HRH1: variants seen among roughly 807,000 people sequenced by gnomAD.
HRH1 encodes histamine H1 receptor.
HRH1 carries 6 observed loss-of-function variants against 10.3 expected under a neutral mutation model. That is an observed-to-expected ratio of 0.58 (90% CI 0.32 to 1.15). The LOEUF (loss-of-function observed/expected upper bound fraction) is 1.15, where lower values mean the gene tolerates loss of function less well. Among genes scored for constraint, HRH1 ranks in the 50% most tolerant of loss-of-function variants. HRH1 has a pLI of 0.05. For synonymous variants in HRH1, 242 were observed against 236.7 expected (o/e 1.02, Z -0.21); for missense variants, 514 against 615.3 (o/e 0.84, Z 1.74).
At chr3:11,186,591 C>G (rs1462650037) in intron 1 of HRH1, among the ~76,000 whole-genome samples, 1 of 152,176 alleles carries the variant, frequency 6.6e-6, no homozygotes. Flanking sequence ...ACTTTAATGC[C>G]TGGAGCTTCT....
chr3:11,170,537 A>G (rs776675756), intron 1 of HRH1, among the ~76,000 whole-genome samples: 13 of 152,258 alleles, frequency 8.5e-5, no homozygotes, highest in Admixed American at 4.6e-4. Context: ...GCAGTATCCC[A>G]TGGGCGAGGA....
At chr3:11,208,535 A>G (rs996493475) in intron 1 of HRH1, among the ~76,000 whole-genome samples, 8 of 152,230 alleles carry the variant, frequency 5.3e-5, no homozygotes, top group African/African-American at 1.4e-4. Context: ...TTGAAAAAAT[A>G]TCACTTGAAA....
At chr3:11,143,285 G>A (rs943848695) in intron 1 of HRH1, among the ~76,000 whole-genome samples, 9 of 152,196 alleles carry the variant, frequency 5.9e-5, no homozygotes, top group Admixed American at 1.3e-4. Flanking sequence ...CCTGCTGTGT[G>A]GAGAGTGGGC....
At chr3:11,200,346 C>T (rs769908256) in intron 1 of HRH1, among the ~76,000 whole-genome samples, 4 of 152,182 alleles carry the variant, frequency 2.6e-5, no homozygotes, top group Non-Finnish European at 5.9e-5. Flanking sequence ...TTCTGTTACT[C>T]ACAGCCTAGA....
At chr3:11,147,938 T>C (rs113910445) in intron 1 of HRH1, among the ~76,000 whole-genome samples, 21,660 of 152,134 alleles carry the variant, frequency 0.14, 1,773 homozygotes, top group East Asian at 0.29. Flanking sequence ...TCCCAGCACT[T>C]TGAGAGGCCA....
In HRH1 at chr3:11,148,193, A is replaced by AAAAG. The variant is rs1263121639; in HGVS notation, c.-36+10797_-36+10798insGAAA. On this transcript the variant is annotated intron_variant, in intron 1 of 1. Coordinates refer to the HRH1 transcript ENST00000438284. ...GACTCTGTCAAACAAAAAAAAAAAA[A>AAAAG]AAAAAGAAAAGAAACTCTTCCTTCT... Among the ~76,000 whole-genome samples, 7 of 151,688 alleles carry AAAAG rather than the reference A, an allele frequency of 4.6e-5. No individual in the cohort carries two copies. In the East Asian group the frequency reaches 1.4e-3, roughly 29 times the overall value.
Position 11,219,168 on chromosome 3 carries a change from A to G in HRH1, c.-35-39835A>G, listed in dbSNP as rs143279186. ...CCTCTTAAAGTGCTGGGATTACAGG[A>G]GTGAGCGACCGCGCCTGGCCTAAAT... On this transcript the variant is annotated intron_variant, in intron 1 of 1. Transcript: ENST00000431010. 8.9e-3 allele frequency among the ~76,000 whole-genome samples: 1,353 copies of G among 152,138 alleles called. 16 individuals are homozygous for G. Among genetic ancestry groups the G allele is most frequent in the African/African-American group, 0.031 (1,292 of 41,514 alleles).
chr3:11,196,666 C>G (rs1373309522), intron 1 of HRH1, among the ~76,000 whole-genome samples: 4 of 152,110 alleles, frequency 2.6e-5, no homozygotes, highest in Non-Finnish European at 5.9e-5. Flanking sequence ...CAGAGCCCTT[C>G]AGCCCATATA....
At chr3:11,180,876 T>C (rs1457266984) in intron 1 of HRH1, among the ~76,000 whole-genome samples, 4 of 152,150 alleles carry the variant, frequency 2.6e-5, no homozygotes, top group East Asian at 1.9e-4. Flanking sequence ...TTGGATTGTT[T>C]CTACTTTTTG....
rs374377026 is a variant in HRH1, at chr3:11,231,262, A to C, written c.-35-27741A>C. ...CAAAGGGTAGCTGGTTGTTTCCAGC[A>C]TTGAGCTATTATGAATAAAACTGCT... On this transcript the variant is annotated intron_variant, in intron 1 of 1. Coordinates refer to ENST00000431010, the MANE Select transcript of HRH1 (RefSeq NM_001098212.2). 9.2e-5 allele frequency among the ~76,000 whole-genome samples: 14 copies of C among 152,332 alleles called. No homozygotes were observed. The South Asian group carries it at 2.7e-3, about 29-fold the overall frequency.
Position 11,196,906 on chromosome 3 carries a change from G to C in HRH1, c.-36+42352G>C, listed in dbSNP as rs147900959. On this transcript the variant is annotated intron_variant, in intron 1 of 1. Coordinates refer to ENST00000431010, the MANE Select transcript of HRH1 (RefSeq NM_001098212.2). ...GGTCAGATCACGAGGTCGGGAGATCGAGACCATCCTGGCTAACATGGTGAA... is the reference window on the plus strand; with the variant it reads ...GGTCAGATCACGAGGTCGGGAGATCCAGACCATCCTGGCTAACATGGTGAA... Among the ~76,000 whole-genome samples, 248 of 143,562 alleles carry C rather than the reference G, an allele frequency of 1.7e-3. 7 individuals are homozygous for C. The East Asian group carries it at 0.039, about 23-fold the overall frequency. 94.2% of individuals were successfully genotyped at this position (143,562 alleles called of 152,430 possible).
chr3:11,155,498 C>A (rs950857109), intron 1 of HRH1, among the ~76,000 whole-genome samples: 2 of 152,142 alleles, frequency 1.3e-5, no homozygotes, highest in African/African-American at 2.4e-5. Context: ...CCATGAAGAT[C>A]CCACCTCTTC....
chr3:11,173,498 G>C (rs1487403905), intron 1 of HRH1, among the ~76,000 whole-genome samples: 1 of 151,778 alleles, frequency 6.6e-6, no homozygotes, highest in Non-Finnish European at 1.5e-5. Flanking sequence ...CTCCTCCCGG[G>C]TTCATGCCAT....
intron 1 of HRH1, among the ~76,000 whole-genome samples, chr3:11,186,657 G>A (rs1937456468): frequency 6.6e-6 from 1 of 152,138 alleles, no homozygotes; most frequent in African/African-American, 2.4e-5. Context: ...CAGGGCTAAG[G>A]GACCATCATC....
At chr3:11,153,397 C>T (rs1406068239), upstream of HRH1, among the ~76,000 whole-genome samples, 1 of 152,142 alleles carries the variant, frequency 6.6e-6, no homozygotes, top group East Asian at 1.9e-4. Flanking sequence ...CCATACACAG[C>T]TTGTGAAGCT....
chr3:11,225,335 G>A lies in HRH1; in HGVS notation c.-35-33668G>A, dbSNP rs893831199. On this transcript the variant is annotated intron_variant, in intron 1 of 1. Coordinates refer to ENST00000431010, the MANE Select transcript of HRH1 (RefSeq NM_001098212.2). The stretch of plus-strand genomic sequence containing the variant: ...GACAATGTGAGAACCAGGCCTGGCC[G>A]GCTGGAGTCGGAGAGAGGGACAGAC... Among the ~76,000 whole-genome samples the A allele has an allele frequency of 4.6e-5, 7 of 152,260 alleles. No homozygotes were observed. In the South Asian group the frequency reaches 6.2e-4, roughly 14 times the overall value.
rs1936749428 is a variant in HRH1 at position 11,154,905 on chromosome 3, G to C, written c.-36+351G>C. 1.3e-5 allele frequency among the ~76,000 whole-genome samples: 2 copies of C among 152,196 alleles called. No homozygotes were observed. The highest frequency in any genetic ancestry group is 4.8e-5 in the African/African-American group (2 of 41,462). ...CCTCGTTTTCTTTGAGCCTCCCCAGGGTCTGAGTTCGCTGCTAACCGTAGT... is the reference window on the plus strand; with the variant it reads ...CCTCGTTTTCTTTGAGCCTCCCCAGCGTCTGAGTTCGCTGCTAACCGTAGT... On this transcript the variant is annotated intron_variant, in intron 1 of 1. Coordinates refer to ENST00000431010, the MANE Select transcript of HRH1 (RefSeq NM_001098212.2). The surrounding 1 kb of genome is among the most constrained non-coding windows in gnomAD (Gnocchi z 4.4).
chr3:11,210,715 C>A (rs557779809), intron 1 of HRH1, among the ~76,000 whole-genome samples: 1 of 151,514 alleles, frequency 6.6e-6, no homozygotes, highest in Non-Finnish European at 1.5e-5. Flanking sequence ...ATTGCTTGAG[C>A]TCGGGAGGCA....
intron 1 of HRH1, among the ~76,000 whole-genome samples, chr3:11,165,504 G>A (rs1271270259): frequency 1.3e-5 from 2 of 152,080 alleles, no homozygotes; most frequent in East Asian, 3.9e-4. Context: ...ACACACACAC[G>A]CAAGAAGAGA....
Sources: allele counts gnomAD v4.1 joint callset (sites outside exome capture counted in the v4.1 genomes callset), GRCh38; gene constraint gnomAD v4.1.1; non-coding constraint Gnocchi (gnomAD v3.1); transcripts MANE v1.5; gene names NCBI Gene and HGNC (gene_info 2026-07-23, HGNC 2026-07-21).